TMEM11: variants seen among roughly 807,000 people sequenced by gnomAD.
The protein encoded by TMEM11 is transmembrane protein 11, also known as transmembrane protein 11, mitochondrial.
TMEM11 carries 1 observed loss-of-function variant against 17.0 expected under a neutral mutation model. That is an observed-to-expected ratio of 0.06 (90% CI 0.02 to 0.28). TMEM11 has a LOEUF of 0.28. Ranked by LOEUF, TMEM11 falls within the 10% of genes least tolerant of loss-of-function variation. The pLI is 1.00. For missense variants in TMEM11, 172 were observed against 252.9 expected, an observed-to-expected ratio of 0.68 and a Z score of 2.17; for synonymous variants, 122 against 118.1, an observed-to-expected ratio of 1.03 and a Z score of -0.21.
Position 21,198,384 on chromosome 17 carries a change from C to T in TMEM11, c.519G>A (p.Thr173=), listed in dbSNP as rs765996667. ...AGTACACCAGGGCGGCCAGTGCTAT[C>T]GTGTTGTGCAGTCTCTTTCTGTGCA... ...DDLHRKRLHN[T]IALAALVYCV... Residue 173 remains threonine (T), a synonymous_variant, in exon 2 of 2, where the codon ACG becomes ACA. Coordinates refer to ENST00000317635, the MANE Select transcript of TMEM11 (RefSeq NM_003876.3). The surrounding 1 kb of genome is among the most constrained non-coding windows in gnomAD (Gnocchi z 6.5). 1.2e-5 allele frequency: 20 copies of T among 1,614,090 alleles called. No individual in the cohort carries two copies. The highest frequency in any genetic ancestry group is 3.3e-5 in the South Asian group (3 of 91,086).
chr17:21,202,455 T>G (rs1974892818), intron 1 of TMEM11, among the ~76,000 whole-genome samples: 1 of 152,144 alleles, frequency 6.6e-6, no homozygotes, highest in South Asian at 2.1e-4. Flanking sequence ...CCATCCTGAA[T>G]GTAGTGAAAA....
intron 1 of TMEM11, among the ~76,000 whole-genome samples, chr17:21,204,099 G>A (rs562367951): frequency 1.3e-3 from 172 of 135,714 alleles, no homozygotes; most frequent in African/African-American, 4.4e-3. Flanking sequence ...ACCAGTAAGA[G>A]AGCAATTAAT....
At chr17:21,204,169 C>T (rs1974916478) in intron 1 of TMEM11, among the ~76,000 whole-genome samples, 1 of 149,686 alleles carries the variant, frequency 6.7e-6, no homozygotes. Flanking sequence ...TGCAGTGGCT[C>T]ATGCCTGTAA....
chr17:21,213,967 C>T (rs1331228333), intron 1 of TMEM11, 124 bp downstream of exon 1: 3 of 955,778 alleles, frequency 3.1e-6, no homozygotes, highest in African/African-American at 3.4e-5. Context: ...CCAGTATGCC[C>T]GGCGAGGGTA....
chr17:21,199,121 C>A (rs1974853139), intron 1 of TMEM11, among the ~76,000 whole-genome samples: 1 of 150,906 alleles, frequency 6.6e-6, no homozygotes, highest in Non-Finnish European at 1.5e-5. Flanking sequence ...GAGTTAGAGA[C>A]CAGCCTGGCC....
In TMEM11 at chr17:21,214,075, A is replaced by T. The variant is rs776504392; in HGVS notation, c.62+16T>A. On this transcript the variant is annotated intron_variant, in intron 1 of 1. Coordinates refer to ENST00000317635, the MANE Select transcript of TMEM11 (RefSeq NM_003876.3). ...TGAGCCGCCTGCACTGGGGGCAACA[A>T]GCCCTTGGATCTCACCTCTCTCGGG... The T allele has an allele frequency of 4.4e-6, 7 of 1,606,972 alleles. No individual in the cohort carries two copies. Among genetic ancestry groups the T allele is most frequent in the Non-Finnish European group, 5.1e-6 (6 of 1,178,206 alleles).
chr17:21,198,151 T>C lies in TMEM11; in HGVS notation c.*173A>G. The C allele has an allele frequency of 1.3e-6, 1 of 772,092 alleles. No homozygotes were observed. The highest frequency in any genetic ancestry group is 2.0e-6 in the Non-Finnish European group (1 of 498,100). 47.8% of individuals were successfully genotyped at this position (772,092 alleles called of 1,614,324 possible). ...TGGGTTATGGAAATCCACATCTTAG[T>C]GTAATGAGCTGAAAAACCCTGGGTA... is the stretch of plus-strand genomic sequence containing the variant. On this transcript the variant is annotated 3_prime_UTR_variant, in exon 2 of 2. Transcript: ENST00000317635. The surrounding 1 kb of genome is among the most constrained non-coding windows in gnomAD (Gnocchi z 6.5).
chr17:21,207,846 CCACTGCACTCCAGCCAGGGGG>C lies in TMEM11; in HGVS notation c.62+6224_62+6244del, dbSNP rs1436061048. Reference sequence around the variant, plus strand: ...GAGGTTGCAGTGAGCCAAGATCACACCACTGCACTCCAGCCAGGGGGACAAGAGCGAGACATTGTCTCAAAA... The same window carrying C: ...GAGGTTGCAGTGAGCCAAGATCACACACAAGAGCGAGACATTGTCTCAAAA... On this transcript the variant is annotated intron_variant, in intron 1 of 1. Coordinates refer to ENST00000317635, the MANE Select transcript of TMEM11 (RefSeq NM_003876.3). Among the ~76,000 whole-genome samples, 11 of 151,692 alleles carry C rather than the reference CCACTGCACTCCAGCCAGGGGG, an allele frequency of 7.3e-5. No individual in the cohort carries two copies. The East Asian group carries it at 2.1e-3, about 29-fold the overall frequency.
rs150036022 is a variant in TMEM11 at position 21,201,035 on chromosome 17, G to A, written c.63-2195C>T. On this transcript the variant is annotated intron_variant, in intron 1 of 1. Transcript: ENST00000317635. ...CTTCAAGGAAAAAGAACAGGCAATC[G>A]TAGTTCTTCCTACTACTGAGACTCC... Among the ~76,000 whole-genome samples, 282 of 152,318 alleles carry A rather than the reference G, an allele frequency of 1.9e-3. 1 individual carries two copies. Among genetic ancestry groups the A allele is most frequent in the African/African-American group, 6.5e-3 (269 of 41,570 alleles).
chr17:21,211,408 C>T (rs1216673530), intron 1 of TMEM11, among the ~76,000 whole-genome samples: 2 of 152,222 alleles, frequency 1.3e-5, no homozygotes, highest in Non-Finnish European at 2.9e-5. Flanking sequence ...CTATTGAGCA[C>T]TTGAAATGTG....
intron 1 of TMEM11, among the ~76,000 whole-genome samples, chr17:21,211,951 G>A (rs1293231802): frequency 6.6e-6 from 1 of 152,186 alleles, no homozygotes; most frequent in African/African-American, 2.4e-5. Context: ...AATCTAGAGT[G>A]CTGGGCCATC....
intron 1 of TMEM11, among the ~76,000 whole-genome samples, chr17:21,204,366 G>A (rs965185415): frequency 1.4e-4 from 21 of 150,352 alleles, no homozygotes; most frequent in African/African-American, 4.7e-4. Flanking sequence ...CGCAGGAGGC[G>A]GAGGTTGCAG....
Position 21,198,602 on chromosome 17 carries a change from A to G in TMEM11, c.301T>C (p.Leu101=), listed in dbSNP as rs754121840. 7.4e-6 allele frequency: 12 copies of G among 1,613,720 alleles called. No individual in the cohort carries two copies. In the Admixed American group the frequency reaches 1.5e-4, roughly 20 times the overall value. ...ACLFTPLALP[L]DYSHYISLPA... The stretch of plus-strand genomic sequence containing the variant: ...AGGGAAATGTAGTGGGAATAATCTA[A>G]GGGCAGCGCCAACGGGGTGAAGAGG... Residue 101 remains leucine (L), a synonymous_variant, in exon 2 of 2, where the codon TTA becomes CTA. Coordinates refer to ENST00000317635, the MANE Select transcript of TMEM11 (RefSeq NM_003876.3). This position sits in a 1 kb window ranked among gnomAD's most constrained non-coding sequence, Gnocchi z 6.5.
chr17:21,198,949 G>T lies in TMEM11; in HGVS notation c.63-109C>A. On this transcript the variant is annotated intron_variant, in intron 1 of 1. Coordinates refer to ENST00000317635, the MANE Select transcript of TMEM11 (RefSeq NM_003876.3). The surrounding 1 kb of genome is among the most constrained non-coding windows in gnomAD (Gnocchi z 6.5). ...TGGGGGAGGTCTGAGCCTGCACTGC[G>T]GAGAGCACATCTCACTTGGGTCCTC... 8.3e-7 allele frequency: 1 copy of T among 1,200,188 alleles called. No individual in the cohort carries two copies. The allele number at this position is 1,200,188 out of a possible 1,614,324, so 74.3% of individuals were successfully genotyped here. A position where few individuals can be genotyped will look rare whatever the true frequency, so the allele number is the denominator to read the frequency against.
intron 1 of TMEM11, among the ~76,000 whole-genome samples, chr17:21,201,978 A>C (rs1974887435): frequency 6.6e-6 from 1 of 152,162 alleles, no homozygotes; most frequent in Admixed American, 6.5e-5. Context: ...AGCACACCCA[A>C]AGCAGGGTCT....
chr17:21,199,090 G>T (rs1227327696), intron 1 of TMEM11, among the ~76,000 whole-genome samples: 1 of 151,930 alleles, frequency 6.6e-6, no homozygotes, highest in African/African-American at 2.4e-5. Flanking sequence ...GGGAGGCCGG[G>T]GGGGCGGATC....
At chr17:21,206,949 G>A (rs1267419815) in intron 1 of TMEM11, among the ~76,000 whole-genome samples, 1 of 152,130 alleles carries the variant, frequency 6.6e-6, no homozygotes, top group Non-Finnish European at 1.5e-5. Flanking sequence ...GCAACCAATA[G>A]CACAACTGAT....
chr17:21,199,713 T>C (rs1285214275), intron 1 of TMEM11, among the ~76,000 whole-genome samples: 1 of 152,224 alleles, frequency 6.6e-6, no homozygotes, highest in Non-Finnish European at 1.5e-5. Context: ...TTGGCTCTCC[T>C]GGAGGCCAGG....
intron 1 of TMEM11, among the ~76,000 whole-genome samples, chr17:21,199,815 C>A (rs1974863517): frequency 6.6e-6 from 1 of 152,182 alleles, no homozygotes; most frequent in Admixed American, 6.6e-5. Flanking sequence ...AGGACACTAG[C>A]CCACTGCATA....
Sources: allele counts gnomAD v4.1 joint callset (sites outside exome capture counted in the v4.1 genomes callset), GRCh38; gene constraint gnomAD v4.1.1; non-coding constraint Gnocchi (gnomAD v3.1); transcripts MANE v1.5; gene names NCBI Gene and HGNC (gene_info 2026-07-23, HGNC 2026-07-21).